Variants in GNA14 observed in about 807,000 individuals in gnomAD.
GNA14 encodes the protein G protein subunit alpha 14, also known as guanine nucleotide-binding protein subunit alpha-14.
A neutral mutation model predicts 42.0 loss-of-function variants in GNA14; 50 were observed. The observed-to-expected ratio is 1.19, with a 90% CI of 0.95 to 1.51. The LOEUF is 1.51. Ranked by LOEUF, GNA14 falls within the 40% of genes most tolerant of loss-of-function variation. GNA14 has a pLI of 0.00. For missense variants in GNA14, 473 were observed against 446.2 expected, an observed-to-expected ratio of 1.06 and a Z score of -0.54; for synonymous variants, 173 against 163.1, an observed-to-expected ratio of 1.06 and a Z score of -0.46.
intron 2 of GNA14, among the ~76,000 whole-genome samples, chr9:77,458,790 G>A (rs369985577): frequency 2.0e-5 from 3 of 151,888 alleles, no homozygotes; most frequent in African/African-American, 7.2e-5. Context: ...ATCCCGAGGG[G>A]ACACAGCAGA....
intron 2 of GNA14, among the ~76,000 whole-genome samples, chr9:77,452,068 CAGA>C (rs1835910201): frequency 6.6e-6 from 1 of 152,182 alleles, no homozygotes; most frequent in Non-Finnish European, 1.5e-5. Context: ...TATAACTCCA[CAGA>C]GGCTGACTTG....
intron 1 of GNA14, among the ~76,000 whole-genome samples, chr9:77,590,726 A>T (rs1351144321): frequency 6.6e-6 from 1 of 152,064 alleles, no homozygotes. Context: ...AAAAAATAAG[A>T]TTATGACAAA....
At chr9:77,607,295 G>T (rs1318255086) in intron 1 of GNA14, among the ~76,000 whole-genome samples, 1 of 152,156 alleles carries the variant, frequency 6.6e-6, no homozygotes, top group African/African-American at 2.4e-5. Flanking sequence ...GACATGCTGA[G>T]AAGGCATATG....
intron 2 of GNA14, among the ~76,000 whole-genome samples, chr9:77,493,026 A>AAATATATATATATATAT (rs1554691641): frequency 1.2e-4 from 6 of 51,700 alleles, no homozygotes; most frequent in African/African-American, 2.3e-4. Flanking sequence ...AAAAAAAAAA[A>AAATATATATATATATAT]ATATATATAT....
intron 1 of GNA14, among the ~76,000 whole-genome samples, chr9:77,619,061 A>T (rs1823880905): frequency 6.6e-6 from 1 of 152,144 alleles, no homozygotes; most frequent in South Asian, 2.1e-4. Context: ...TGCATCTCAC[A>T]TTCTATTTCC....
intron 1 of GNA14, among the ~76,000 whole-genome samples, chr9:77,562,067 T>C (rs1282873807): frequency 6.6e-6 from 1 of 152,178 alleles, no homozygotes; most frequent in African/African-American, 2.4e-5. Context: ...TTAAGAAAAC[T>C]CAGGAATCAC....
chr9:77,511,822 C>CAA (rs1215390415), intron 2 of GNA14, among the ~76,000 whole-genome samples: 1 of 152,178 alleles, frequency 6.6e-6, no homozygotes, highest in Admixed American at 6.5e-5. Flanking sequence ...CCTGGAGAAG[C>CAA]AATCAAAATG....
rs540666388 is a variant in GNA14, at chr9:77,547,999, A to G, written c.125-18746T>C. Among the ~76,000 whole-genome samples the G allele has an allele frequency of 3.3e-5, 5 of 152,332 alleles. No homozygotes were observed. The East Asian group carries it at 9.6e-4, about 29-fold the overall frequency. On this transcript the variant is annotated intron_variant, in intron 1 of 6. Transcript: ENST00000341700. The stretch of plus-strand genomic sequence containing the variant: ...ATGCATTTGGAAGACAAGGTCGGAG[A>G]TGGGAATCATAATCTTTGAGACATT...
chr9:77,547,141 C>A (rs936496019), intron 1 of GNA14, among the ~76,000 whole-genome samples: 3 of 152,158 alleles, frequency 2.0e-5, no homozygotes, highest in African/African-American at 7.2e-5. Flanking sequence ...GTGTTTCTTA[C>A]ATTGGGAGGA....
rs544588189 is a variant in GNA14, at chr9:77,508,288, G to A, written c.309+20781C>T. On this transcript the variant is annotated intron_variant, in intron 2 of 6. Coordinates refer to ENST00000341700, the MANE Select transcript of GNA14 (RefSeq NM_004297.4). ...CCTTTCATTTAAAAAAATGATTTGTGGCATTGGTATGATATATCACACGAG... is the reference window on the plus strand; with the variant it reads ...CCTTTCATTTAAAAAAATGATTTGTAGCATTGGTATGATATATCACACGAG... Among the ~76,000 whole-genome samples the A allele has an allele frequency of 3.2e-4, 48 of 152,236 alleles. No homozygotes were observed. The South Asian group carries it at 1.0e-2, about 32-fold the overall frequency.
intron 1 of GNA14, among the ~76,000 whole-genome samples, chr9:77,622,876 AGAGT>A (rs1823950576): frequency 6.8e-6 from 1 of 148,064 alleles, no homozygotes; most frequent in African/African-American, 2.5e-5. Context: ...CCTGGGTGAC[AGAGT>A]GAGACTCTGT....
At chr9:77,451,712 G>A (rs1175856420) in intron 2 of GNA14, among the ~76,000 whole-genome samples, 1 of 152,198 alleles carries the variant, frequency 6.6e-6, no homozygotes, top group Non-Finnish European at 1.5e-5. Context: ...CAGCTTGGGT[G>A]GACAAGCCAA....
chr9:77,605,579 T>C (rs1823634037), intron 1 of GNA14, among the ~76,000 whole-genome samples: 1 of 152,190 alleles, frequency 6.6e-6, no homozygotes, highest in African/African-American at 2.4e-5. Flanking sequence ...AGTGAAATAC[T>C]ACTCAGTCTT....
At chr9:77,573,797 T>C (rs759438619) in intron 1 of GNA14, among the ~76,000 whole-genome samples, 9 of 152,184 alleles carry the variant, frequency 5.9e-5, no homozygotes, top group Non-Finnish European at 1.3e-4. Context: ...TGCTTCTCTG[T>C]GGTTATTAGA....
At chr9:77,638,568 T>A (rs2118025503) in intron 1 of GNA14, among the ~76,000 whole-genome samples, 1 of 152,302 alleles carries the variant, frequency 6.6e-6, no homozygotes, top group African/African-American at 2.4e-5. Flanking sequence ...GTAACAAATG[T>A]TGTGTTTGAA....
chr9:77,620,848 CAAAAAAAA>C (rs35141766), intron 1 of GNA14, among the ~76,000 whole-genome samples: 1 of 74,044 alleles, frequency 1.4e-5, no homozygotes, highest in African/African-American at 4.8e-5. Context: ...AATCTTGTCT[CAAAAAAAA>C]AAAAAAAAAA....
At chr9:77,483,714 T>C (rs1836606007) in intron 2 of GNA14, among the ~76,000 whole-genome samples, 2 of 152,168 alleles carry the variant, frequency 1.3e-5, no homozygotes, top group African/African-American at 2.4e-5. Flanking sequence ...AGGAGTCTTA[T>C]ATGAAAATTC....
chr9:77,477,115 C>T (rs143698077), intron 2 of GNA14, among the ~76,000 whole-genome samples: 5 of 152,088 alleles, frequency 3.3e-5, no homozygotes, highest in Admixed American at 1.3e-4. Context: ...CCAGCACTTT[C>T]GGAGGCTGAG....
At chr9:77,579,858 TC>T (rs1441530115) in intron 1 of GNA14, among the ~76,000 whole-genome samples, 2 of 152,198 alleles carry the variant, frequency 1.3e-5, no homozygotes, top group Non-Finnish European at 1.5e-5. Context: ...TTGCCACCAA[TC>T]CCCTTGCTAG....
Sources: allele counts gnomAD v4.1 joint callset (sites outside exome capture counted in the v4.1 genomes callset), GRCh38; gene constraint gnomAD v4.1.1; transcripts MANE v1.5; gene names NCBI Gene and HGNC (gene_info 2026-07-23, HGNC 2026-07-21).